The following CUX2 variants were observed in gnomAD, a reference collection of about 807,000 sequenced individuals.
CUX2 encodes homeobox protein cut-like 2.
CUX2 carries 40 observed loss-of-function variants against 144.8 expected under a neutral mutation model. The ratio of observed to expected loss-of-function variants is 0.28; its 90% confidence interval spans 0.21 to 0.36. The LOEUF (loss-of-function observed/expected upper bound fraction) is 0.36, where lower values mean the gene tolerates loss of function less well. Ranked by LOEUF, CUX2 falls within the 10% of genes least tolerant of loss-of-function variation. CUX2 has a pLI of 1.00. For synonymous variants in CUX2, 827 were observed against 875.6 expected (o/e 0.94, Z 0.98); for missense variants, 1,615 against 1,994.0 (o/e 0.81, Z 3.62).
intron 1 of CUX2, among the ~76,000 whole-genome samples, chr12:111,164,289 A>G (rs2136155655): frequency 6.6e-6 from 1 of 152,190 alleles, no homozygotes; most frequent in East Asian, 1.9e-4. Flanking sequence ...AGGAGTTAGA[A>G]CAGGGGCGGG....
Position 111,310,409 on chromosome 12 carries a change from G to T in CUX2, c.1627G>T (p.Ala543Ser). 1 of 1,610,364 alleles carries T rather than the reference G, an allele frequency of 6.2e-7. No homozygotes were observed. Among genetic ancestry groups the T allele is most frequent in the Non-Finnish European group, 8.5e-7 (1 of 1,178,476 alleles). ...PEPADGGGGG[A>S]AGPGAEEEQL... ...GCCCGCGGATGGTGGTGGGGGCGGA[G>T]CGGCGGGGCCCGGGGCAGAGGAGGA... is the stretch of plus-strand genomic sequence containing the variant. The change falls in exon 15 of 22, where the codon GCG becomes TCG. Residue 543 changes from alanine (A) to serine (S), a missense_variant. Ala to Ser is a moderately conservative substitution (Grantham distance 99). Around this residue, in one of 12 missense-constraint regions of CUX2, gnomAD observed 154 missense variants for 148.4 expected, o/e 1.04. Coordinates refer to ENST00000261726, the MANE Select transcript of CUX2 (RefSeq NM_015267.4). This position sits in a 1 kb window ranked among gnomAD's most constrained non-coding sequence, Gnocchi z 7.9.
At chr12:111,129,383 C>G (rs1307140704) in intron 1 of CUX2, among the ~76,000 whole-genome samples, 1 of 152,056 alleles carries the variant, frequency 6.6e-6, no homozygotes, top group Non-Finnish European at 1.5e-5. Context: ...GTGTTGCTGG[C>G]CTTGCCAGCT....
At chr12:111,175,323 C>A (rs1408737424) in intron 1 of CUX2, among the ~76,000 whole-genome samples, 3 of 144,700 alleles carry the variant, frequency 2.1e-5, no homozygotes, top group Non-Finnish European at 3.0e-5. Flanking sequence ...TTTTTACCAA[C>A]CCCCTCCCCA....
chr12:111,229,428 G>T (rs535691398), intron 3 of CUX2, among the ~76,000 whole-genome samples: 2 of 152,322 alleles, frequency 1.3e-5, no homozygotes, highest in South Asian at 4.1e-4. Context: ...TGAGCAGCAG[G>T]AATCAGGCCC....
intron 1 of CUX2, among the ~76,000 whole-genome samples, chr12:111,204,139 G>C (rs1880775771): frequency 6.6e-6 from 1 of 152,220 alleles, no homozygotes; most frequent in Admixed American, 6.5e-5. Context: ...GAGAGTCCTA[G>C]ATACAGAGAG....
chr12:111,043,675 C>T (rs533265289), intron 1 of CUX2, among the ~76,000 whole-genome samples: 3 of 152,160 alleles, frequency 2.0e-5, no homozygotes, highest in African/African-American at 2.4e-5. Context: ...TAGCCAGGCG[C>T]GGTGGCTCAC....
At position 111,061,229 on chromosome 12, in the gene CUX2, C is replaced by T. The variant is rs2136020858; in HGVS notation, c.63+26989C>T. Among the ~76,000 whole-genome samples, 1 of 150,300 alleles carries T rather than the reference C, an allele frequency of 6.7e-6. No individual in the cohort carries two copies. Among genetic ancestry groups the T allele is most frequent in the South Asian group, 2.1e-4 (1 of 4,758 alleles). On this transcript the variant is annotated intron_variant, in intron 1 of 21. Coordinates refer to ENST00000261726, the MANE Select transcript of CUX2 (RefSeq NM_015267.4). The surrounding 1 kb of genome is among the most constrained non-coding windows in gnomAD (Gnocchi z 4.2). ...ACACACACACACAGCAAGGAGGATG[C>T]CTGGCTTTCTGAGCTACAACCCAGG...
intron 1 of CUX2, among the ~76,000 whole-genome samples, chr12:111,205,750 A>G (rs921588307): frequency 1.3e-5 from 2 of 152,228 alleles, no homozygotes; most frequent in African/African-American, 4.8e-5. Context: ...ATCCAAGGTC[A>G]CAATGCTAGT....
chr12:111,214,857 G>A (rs1376192012), intron 2 of CUX2, among the ~76,000 whole-genome samples: 3 of 152,094 alleles, frequency 2.0e-5, no homozygotes, highest in Admixed American at 1.3e-4. Flanking sequence ...AGAATGACCA[G>A]CCCCCAGCAA....
chr12:111,259,065 G>T (rs1334242017), intron 3 of CUX2, among the ~76,000 whole-genome samples: 1 of 146,100 alleles, frequency 6.8e-6, no homozygotes, highest in African/African-American at 2.8e-5. Flanking sequence ...GTGTGTGTGT[G>T]TGTGTGTTTG....
chr12:111,040,674 A>G (rs1266472749), intron 1 of CUX2, among the ~76,000 whole-genome samples: 2 of 152,146 alleles, frequency 1.3e-5, no homozygotes, highest in Non-Finnish European at 2.9e-5. Flanking sequence ...GGTTTTGACC[A>G]TAGAACCCTC....
At chr12:111,292,274 T>C (rs576745019) in intron 5 of CUX2, among the ~76,000 whole-genome samples, 73 of 152,350 alleles carry the variant, frequency 4.8e-4, no homozygotes, top group Non-Finnish European at 9.1e-4. Flanking sequence ...CACTGATCCA[T>C]GCTACAACAT....
In CUX2 at chr12:111,169,544, C is replaced by T. The variant is rs1241623057; in HGVS notation, c.64-44656C>T. Among the ~76,000 whole-genome samples the T allele has an allele frequency of 4.6e-5, 7 of 152,304 alleles. 1 individual carries two copies. In the South Asian group the frequency reaches 1.0e-3, roughly 23 times the overall value. ...GGACATTCTTCCACCCTCAGCGGGT[C>T]GGCCTGGCTGCCTAACCAGCCCTGA... On this transcript the variant is annotated intron_variant, in intron 1 of 21. Coordinates refer to ENST00000261726, the MANE Select transcript of CUX2 (RefSeq NM_015267.4).
At chr12:111,262,115 A>C (rs538407056) in intron 3 of CUX2, among the ~76,000 whole-genome samples, 1 of 152,190 alleles carries the variant, frequency 6.6e-6, no homozygotes, top group Non-Finnish European at 1.5e-5. Context: ...TTTTCTGCCA[A>C]GCGTTTAGCA....
intron 3 of CUX2, among the ~76,000 whole-genome samples, chr12:111,250,570 C>T (rs575278936): frequency 3.3e-5 from 5 of 152,206 alleles, no homozygotes; most frequent in East Asian, 1.9e-4. Flanking sequence ...GTTGGCAAAA[C>T]GAGCCTGGCC....
At chr12:111,107,565 G>A (rs1873685926) in intron 1 of CUX2, among the ~76,000 whole-genome samples, 1 of 152,252 alleles carries the variant, frequency 6.6e-6, no homozygotes, top group African/African-American at 2.4e-5. Context: ...GCTGGCTCTA[G>A]GAAGTTGGGA....
intron 1 of CUX2, among the ~76,000 whole-genome samples, chr12:111,056,513 G>A (rs1870536448): frequency 6.6e-6 from 1 of 152,242 alleles, no homozygotes. Context: ...CTCTCTGTGT[G>A]TTCTCCTTTG....
chr12:111,194,866 A>G (rs1880142658), intron 1 of CUX2, among the ~76,000 whole-genome samples: 1 of 152,004 alleles, frequency 6.6e-6, no homozygotes, highest in African/African-American at 2.4e-5. Flanking sequence ...GAGGCAGCAA[A>G]CTCCAGCCTT....
intron 19 of CUX2, among the ~76,000 whole-genome samples, chr12:111,337,509 T>G (rs552177599): frequency 4.3e-4 from 66 of 152,374 alleles, no homozygotes; most frequent in Non-Finnish European, 9.0e-4. Context: ...ATGGGCATTT[T>G]GGCTTTTTCC....
Sources: allele counts gnomAD v4.1 joint callset (sites outside exome capture counted in the v4.1 genomes callset), GRCh38; gene constraint gnomAD v4.1.1; regional missense constraint gnomAD v4.1.1; non-coding constraint Gnocchi (gnomAD v3.1); transcripts MANE v1.5; gene names NCBI Gene and HGNC (gene_info 2026-07-23, HGNC 2026-07-21).